The following OR6C74 variants were observed in gnomAD, a reference collection of about 807,000 sequenced individuals.
OR6C74 encodes olfactory receptor family 6 subfamily C member 74.
For synonymous variants in OR6C74, 142 were observed against 134.2 expected, an observed-to-expected ratio of 1.06 and a Z score of -0.40; for missense variants, 361 against 362.9, an observed-to-expected ratio of 0.99 and a Z score of 0.04.
At chr12:55,246,330 G>A (rs1030198152) in intron 1 of OR6C74, among the ~76,000 whole-genome samples, 1 of 152,128 alleles carries the variant, frequency 6.6e-6, no homozygotes, top group Non-Finnish European at 1.5e-5. Flanking sequence ...TGACAATTAC[G>A]AGGGAAGTCC....
chr12:55,244,891 A>G (rs1954261525), intron 1 of OR6C74, among the ~76,000 whole-genome samples, 74 bp downstream of exon 1: 1 of 152,040 alleles, frequency 6.6e-6, no homozygotes, highest in African/African-American at 2.4e-5. Flanking sequence ...TATTTTTTGG[A>G]TGAGAAATAT....
rs992249298 is a variant in OR6C74, at chr12:55,254,678, T to C, written c.*6452T>C. ...AAGATCCTCAATATGGATCTTACCATGTTATAGCCTTATAGCATGTGCAGT... is the reference window on the plus strand; with the variant it reads ...AAGATCCTCAATATGGATCTTACCACGTTATAGCCTTATAGCATGTGCAGT... On this transcript the variant is annotated 3_prime_UTR_variant, in exon 2 of 2. Transcript: ENST00000343399. Among the ~76,000 whole-genome samples the C allele has an allele frequency of 1.4e-5, 2 of 145,910 alleles. No individual in the cohort carries two copies. The highest frequency in any genetic ancestry group is 2.8e-5 in the African/African-American group (1 of 36,172).
Position 55,247,411 on chromosome 12 carries a change from A to G in OR6C74, c.124A>G (p.Thr42Ala), listed in dbSNP as rs1193560298. The G allele has an allele frequency of 1.9e-6, 3 of 1,612,952 alleles. No homozygotes were observed. The highest frequency in any genetic ancestry group is 2.5e-6 in the Non-Finnish European group (3 of 1,179,136). Residue 42 changes from threonine (T) to alanine (A), a missense_variant, in exon 2 of 2, where the codon ACC (threonine) becomes GCC (alanine). By Grantham distance (58) the Thr-to-Ala change is moderately conservative. Transcript: ENST00000343399. ...TYMLSITGNL[T>A]IITLTLLDLH... ...CATGTTGAGCATCACTGGGAATCTA[A>G]CCATCATCACTCTCACCCTACTGGA... is the stretch of plus-strand genomic sequence containing the variant.
Position 55,248,589 on chromosome 12 carries a change from G to A in OR6C74, c.*363G>A, listed in dbSNP as rs1327815119. On this transcript the variant is annotated 3_prime_UTR_variant, in exon 2 of 2. Transcript: ENST00000343399. Reference sequence around the variant, plus strand: ...TGTCATATATTCTACATAGAGTTCAGTAGACTACCTAGGTTTGATCACTTA... The same window carrying A: ...TGTCATATATTCTACATAGAGTTCAATAGACTACCTAGGTTTGATCACTTA... 6.6e-6 allele frequency among the ~76,000 whole-genome samples: 1 copy of A among 152,166 alleles called. No individual in the cohort carries two copies. Among genetic ancestry groups the A allele is most frequent in the Non-Finnish European group, 1.5e-5 (1 of 68,016 alleles).
chr12:55,247,906 G>A lies in OR6C74; in HGVS notation c.619G>A (p.Val207Ile). The A allele has an allele frequency of 1.2e-6, 2 of 1,613,814 alleles. No individual in the cohort carries two copies. Among genetic ancestry groups the A allele is most frequent in the Non-Finnish European group, 1.7e-6 (2 of 1,179,888 alleles). ...MLLSAILTLL[V>I]TLVLVILSYT... ...TCTCTCAGCCATTTTGACGCTCCTG[G>A]TTACACTGGTATTAGTGATTCTCTC... Residue 207 changes from valine (V) to isoleucine (I), a missense_variant, in exon 2 of 2, where the codon GTT becomes ATT. Transcript: ENST00000343399.
Position 55,247,371 on chromosome 12 carries a change from C to T in OR6C74, c.84C>T (p.Leu28=), listed in dbSNP as rs755606993. 5 of 1,612,528 alleles carry T rather than the reference C, an allele frequency of 3.1e-6. No individual in the cohort carries two copies. The highest frequency in any genetic ancestry group is 4.2e-6 in the Non-Finnish European group (5 of 1,178,588). ...DPQLQVIIFL[L]LFFTYMLSIT... ...AATTACAGGTGATTATTTTTCTTCT[C>T]CTTTTTTTCACCTACATGTTGAGCA... The change falls in exon 2 of 2, where the codon CTC becomes CTT. Residue 28 remains leucine, a synonymous_variant. Coordinates refer to ENST00000343399, the MANE Select transcript of OR6C74 (RefSeq NM_001005490.2).
Position 55,247,414 on chromosome 12 carries a change from A to G in OR6C74, c.127A>G (p.Ile43Val). Residue 43 changes from isoleucine to valine, a missense_variant, in exon 2 of 2, where the codon ATC becomes GTC. Coordinates refer to ENST00000343399, the MANE Select transcript of OR6C74 (RefSeq NM_001005490.2). ...GTTGAGCATCACTGGGAATCTAACC[A>G]TCATCACTCTCACCCTACTGGATTT... ...YMLSITGNLT[I>V]ITLTLLDLHL... 1 of 1,613,272 alleles carries G rather than the reference A, an allele frequency of 6.2e-7. No individual in the cohort carries two copies. Among genetic ancestry groups the G allele is most frequent in the Non-Finnish European group, 8.5e-7 (1 of 1,179,290 alleles).
rs1954283351 is a variant in OR6C74 at position 55,247,798 on chromosome 12, A to G, written c.511A>G (p.Thr171Ala). 1 of 1,613,928 alleles carries G rather than the reference A, an allele frequency of 6.2e-7. No individual in the cohort carries two copies. Among genetic ancestry groups the G allele is most frequent in the Non-Finnish European group, 8.5e-7 (1 of 1,179,966 alleles). The change falls in exon 2 of 2, where the codon ACT (threonine) becomes GCT (alanine). Residue 171 changes from threonine to alanine, a missense_variant. Coordinates refer to ENST00000343399, the MANE Select transcript of OR6C74 (RefSeq NM_001005490.2). ...CCAGCTTGATTTCTGTGCAGCCAAC[A>G]CTGTAGATCATTTCTTCTGTGATGT... Reference protein sequence around the residue: ...GLQLDFCAANTVDHFFCDVSP... With the variant: ...GLQLDFCAANAVDHFFCDVSP...
chr12:55,256,187 T>C lies in OR6C74; in HGVS notation c.*7961T>C, dbSNP rs1049880491. ...TCAGGGAGGTTTCACATCACCAAGA[T>C]TCCTGTCCCAGAAAAGCAGATGTTC... On this transcript the variant is annotated 3_prime_UTR_variant, in exon 2 of 2. Coordinates refer to ENST00000343399, the MANE Select transcript of OR6C74 (RefSeq NM_001005490.2). 1.3e-5 allele frequency among the ~76,000 whole-genome samples: 2 copies of C among 152,062 alleles called. No individual in the cohort carries two copies. Among genetic ancestry groups the C allele is most frequent in the African/African-American group, 2.4e-5 (1 of 41,412 alleles).
Position 55,249,761 on chromosome 12 carries a change from T to C in OR6C74, c.*1535T>C, listed in dbSNP as rs1414674352. On this transcript the variant is annotated 3_prime_UTR_variant, in exon 2 of 2. Coordinates refer to ENST00000343399, the MANE Select transcript of OR6C74 (RefSeq NM_001005490.2). ...CTTTGCATCAGGAATTTAAGTTTTT[T>C]TTTATTATTATACTTTAAGTTCTAG... 1.3e-5 allele frequency among the ~76,000 whole-genome samples: 2 copies of C among 151,838 alleles called. No individual in the cohort carries two copies. Among genetic ancestry groups the C allele is most frequent in the African/African-American group, 4.9e-5 (2 of 41,122 alleles).
chr12:55,248,336 T>A lies in OR6C74; in HGVS notation c.*110T>A. 2.9e-6 allele frequency: 2 copies of A among 678,916 alleles called. No individual in the cohort carries two copies. The highest frequency in any genetic ancestry group is 2.1e-5 in the South Asian group (1 of 47,334). 42.1% of individuals were successfully genotyped at this position (678,916 alleles called of 1,614,324 possible). On this transcript the variant is annotated 3_prime_UTR_variant, in exon 2 of 2. Transcript: ENST00000343399. The stretch of plus-strand genomic sequence containing the variant: ...CAATAATATTACCTCTTTTTTGACT[T>A]ATAATTTTCATTATGGCCTTCCTAA...
Position 55,255,121 on chromosome 12 carries a change from C to T in OR6C74, c.*6895C>T, listed in dbSNP as rs1954334971. Reference sequence around the variant, plus strand: ...GACTAGGATTATAAAATAGATGTCTCCCAGGGTGGCCAGGTTGGGCAGGTT... The same window carrying T: ...GACTAGGATTATAAAATAGATGTCTTCCAGGGTGGCCAGGTTGGGCAGGTT... On this transcript the variant is annotated 3_prime_UTR_variant, in exon 2 of 2. Transcript: ENST00000343399. 6.6e-6 allele frequency among the ~76,000 whole-genome samples: 1 copy of T among 151,996 alleles called. No homozygotes were observed.
Position 55,247,802 on chromosome 12 carries a change from T to C in OR6C74, c.515T>C (p.Val172Ala). 5 of 1,614,022 alleles carry C rather than the reference T, an allele frequency of 3.1e-6. No individual in the cohort carries two copies. The highest frequency in any genetic ancestry group is 4.2e-6 in the Non-Finnish European group (5 of 1,179,986). ...LQLDFCAANT[V>A]DHFFCDVSPI... ...CTTGATTTCTGTGCAGCCAACACTG[T>C]AGATCATTTCTTCTGTGATGTTTCT... Residue 172 changes from valine to alanine, a missense_variant, in exon 2 of 2, where the codon GTA (valine) becomes GCA (alanine). Physicochemically the swap from Val to Ala is moderately conservative, Grantham distance 64 (BLOSUM62 0). Coordinates refer to ENST00000343399, the MANE Select transcript of OR6C74 (RefSeq NM_001005490.2).
chr12:55,247,175 G>A (rs752540369), intron 1 of OR6C74, 104 bp from the exon 2 acceptor site: 87 of 583,886 alleles, frequency 1.5e-4, no homozygotes, highest in Non-Finnish European at 2.1e-4. Context: ...AAAGGAGGTC[G>A]GGTGTGGGTA....
Position 55,248,145 on chromosome 12 carries a change from T to C in OR6C74, c.858T>C (p.Phe286=). The change falls in exon 2 of 2, where the codon TTT becomes TTC. Residue 286 remains phenylalanine (F), a synonymous_variant. Transcript: ENST00000343399. ...CTGTTGCCCCCATGTTGAATCCCTT[T>C]ATTTATACACTGAGAAACAAACAAG... ...STSVAPMLNP[F]IYTLRNKQVK... is the part of the protein sequence containing the mutation. 6.2e-7 allele frequency: 1 copy of C among 1,613,864 alleles called. No homozygotes were observed. Among genetic ancestry groups the C allele is most frequent in the African/African-American group, 1.3e-5 (1 of 75,014 alleles).
rs1362926226 is a variant in OR6C74, at chr12:55,253,689, C to CT, written c.*5464dup. Among the ~76,000 whole-genome samples, 1 of 152,032 alleles carries CT rather than the reference C, an allele frequency of 6.6e-6. No homozygotes were observed. ...TAGCTCAGAAATGAGGTGGAATAAC[C>CT]TCTGAAAAATCCATGTTTCATTGAT... On this transcript the variant is annotated 3_prime_UTR_variant, in exon 2 of 2. Transcript: ENST00000343399.
chr12:55,247,242 C>T, intron 1 of OR6C74, 37 bp from the exon 2 acceptor site: 1 of 1,248,196 alleles, frequency 8.0e-7, no homozygotes, highest in Non-Finnish European at 1.1e-6. Context: ...GACCTTTCCT[C>T]TTCTGTTCTA....
rs993527864 is a variant in OR6C74, at chr12:55,253,858, T to A, written c.*5632T>A. Among the ~76,000 whole-genome samples the A allele has an allele frequency of 6.6e-6, 1 of 152,066 alleles. No individual in the cohort carries two copies. The highest frequency in any genetic ancestry group is 1.5e-5 in the Non-Finnish European group (1 of 67,950). Reference sequence around the variant, plus strand: ...TCTATGAAAGGATTGAAGTCTGTAATTGAATAAGGAGCTTTAACTCCATTA... The same window carrying A: ...TCTATGAAAGGATTGAAGTCTGTAAATGAATAAGGAGCTTTAACTCCATTA... On this transcript the variant is annotated 3_prime_UTR_variant, in exon 2 of 2. Coordinates refer to ENST00000343399, the MANE Select transcript of OR6C74 (RefSeq NM_001005490.2).
Position 55,255,693 on chromosome 12 carries a change from C to T in OR6C74, c.*7467C>T, listed in dbSNP as rs905090153. Reference sequence around the variant, plus strand: ...GAAACTATCATTCTCAGCAAACTAACACAAGAACAGAAAACCAAACACCGC... The same window carrying T: ...GAAACTATCATTCTCAGCAAACTAATACAAGAACAGAAAACCAAACACCGC... On this transcript the variant is annotated 3_prime_UTR_variant, in exon 2 of 2. Transcript: ENST00000343399. Among the ~76,000 whole-genome samples the T allele has an allele frequency of 1.3e-5, 2 of 152,124 alleles. No individual in the cohort carries two copies. Among genetic ancestry groups the T allele is most frequent in the African/African-American group, 4.8e-5 (2 of 41,426 alleles).
Sources: gnomAD v4.1 joint callset for allele counts (sites outside exome capture counted in the v4.1 genomes callset) on GRCh38, gnomAD v4.1.1 for gene constraint, MANE v1.5 for transcripts, NCBI Gene and HGNC (gene_info 2026-07-23, HGNC 2026-07-21) for gene names.